XYLT1: variants seen among roughly 807,000 people sequenced by gnomAD.
XYLT1 encodes the protein beta-D-xylosyltransferase 1.
XYLT1 carries 36 observed loss-of-function variants against 91.3 expected under a neutral mutation model. That is an observed-to-expected ratio of 0.39 (90% CI 0.30 to 0.52). XYLT1 has a LOEUF of 0.52. XYLT1 is among the 20% of genes least tolerant of loss of function. The pLI is 0.68. For synonymous variants in XYLT1, 588 were observed against 532.0 expected (o/e 1.11, Z -1.45); for missense variants, 1,242 against 1,284.5 (o/e 0.97, Z 0.51).
chr16:17,338,693 T>C, intron 2 of XYLT1: 1 of 358,054 alleles, frequency 2.8e-6, no homozygotes, highest in Non-Finnish European at 5.5e-6. Flanking sequence ...CAAGCAATGC[T>C]CCCGTCTCAG....
intron 5 of XYLT1, among the ~76,000 whole-genome samples, chr16:17,182,091 TAGC>T (rs1055625406): frequency 5.3e-5 from 8 of 152,162 alleles, no homozygotes; most frequent in African/African-American, 1.9e-4. Context: ...CCCTGATGGG[TAGC>T]ATGGTCATGC....
intron 1 of XYLT1, among the ~76,000 whole-genome samples, chr16:17,440,902 CT>C (rs954336653): frequency 9.2e-5 from 14 of 152,078 alleles, no homozygotes; most frequent in Non-Finnish European, 5.9e-5. Flanking sequence ...AGTTCCAACA[CT>C]TACTAATGGC....
chr16:17,161,675 G>GTGCTCTCTCT (rs1555484015), intron 5 of XYLT1, among the ~76,000 whole-genome samples: 2 of 94,476 alleles, frequency 2.1e-5, no homozygotes, highest in African/African-American at 3.6e-5. Context: ...AGTTTCTCGC[G>GTGCTCTCTCT]CGCTCTCTCT....
intron 1 of XYLT1, among the ~76,000 whole-genome samples, chr16:17,410,296 C>T (rs927088408): frequency 2.0e-5 from 3 of 152,192 alleles, no homozygotes; most frequent in Non-Finnish European, 2.9e-5. Flanking sequence ...TTTGTTTTCA[C>T]GTTGCTGATA....
chr16:17,181,570 C>T (rs7193870), intron 5 of XYLT1, among the ~76,000 whole-genome samples: 85,175 of 151,886 alleles, frequency 0.56, 26,830 homozygotes, highest in African/African-American at 0.85. Context: ...AGGAAAGTAC[C>T]CTGGGGAGGG....
intron 2 of XYLT1, among the ~76,000 whole-genome samples, chr16:17,354,199 G>A (rs965398258): frequency 2.6e-5 from 4 of 152,058 alleles, no homozygotes; most frequent in Admixed American, 2.6e-4. Flanking sequence ...CTTCCTTGGT[G>A]CCTCCCCAGG....
intron 2 of XYLT1, among the ~76,000 whole-genome samples, chr16:17,325,902 T>G (rs187209577): frequency 6.6e-6 from 1 of 152,314 alleles, no homozygotes; most frequent in African/African-American, 2.4e-5. Context: ...AAGCATCATG[T>G]CTATGCAGGG....
At chr16:17,121,776 A>G (rs1251103577) in intron 10 of XYLT1, among the ~76,000 whole-genome samples, 1 of 151,852 alleles carries the variant, frequency 6.6e-6, no homozygotes, top group Non-Finnish European at 1.5e-5. Flanking sequence ...GAGTCCCCAA[A>G]CTCACTGTAT....
intron 6 of XYLT1, among the ~76,000 whole-genome samples, chr16:17,153,285 T>C (rs950204560): frequency 6.6e-6 from 1 of 152,198 alleles, no homozygotes; most frequent in African/African-American, 2.4e-5. Context: ...TCACGTAACT[T>C]ACCCAAGGTC....
At chr16:17,141,116 C>T in intron 7 of XYLT1, 37 bp downstream of exon 7, 1 of 1,602,024 alleles carries the variant, frequency 6.2e-7, no homozygotes, top group Non-Finnish European at 8.5e-7. Context: ...TAGAACAAGC[C>T]CCTATCTTTC....
chr16:17,235,322 T>C (rs1375421610), intron 3 of XYLT1, among the ~76,000 whole-genome samples: 1 of 151,398 alleles, frequency 6.6e-6, no homozygotes, highest in Non-Finnish European at 1.5e-5. Flanking sequence ...TTTTTTTTTT[T>C]TTTGGAGACC....
chr16:17,282,113 T>G (rs1454914284), intron 2 of XYLT1, among the ~76,000 whole-genome samples: 5 of 152,226 alleles, frequency 3.3e-5, no homozygotes, highest in Non-Finnish European at 7.3e-5. Flanking sequence ...ACTGACTGTA[T>G]GCTAGGAACT....
Position 17,422,024 on chromosome 16 carries a change from C to G in XYLT1, c.363+48410G>C, listed in dbSNP as rs2036256969. Among the ~76,000 whole-genome samples the G allele has an allele frequency of 2.6e-5, 4 of 151,986 alleles. No individual in the cohort carries two copies. In the South Asian group the frequency reaches 8.3e-4, roughly 32 times the overall value. ...TTGAGACGGAGTCTTGCTTTGTCAC[C>G]CAGGCTGGAGTGCAATGGCATGATC... On this transcript the variant is annotated intron_variant, in intron 1 of 11. Transcript: ENST00000261381.
At chr16:17,191,258 T>C (rs943396592) in intron 5 of XYLT1, among the ~76,000 whole-genome samples, 1 of 152,228 alleles carries the variant, frequency 6.6e-6, no homozygotes, top group African/African-American at 2.4e-5. Context: ...ATACATTTGC[T>C]GTGGTTGCTG....
chr16:17,379,496 C>G (rs2035644038), intron 1 of XYLT1, among the ~76,000 whole-genome samples: 1 of 152,062 alleles, frequency 6.6e-6, no homozygotes, highest in Non-Finnish European at 1.5e-5. Context: ...GGAACCTGGC[C>G]CCCGGAGGAT....
At chr16:17,239,218 A>G (rs1219528794) in intron 3 of XYLT1, among the ~76,000 whole-genome samples, 1 of 136,412 alleles carries the variant, frequency 7.3e-6, no homozygotes, top group Admixed American at 7.4e-5. Flanking sequence ...CCATCCATCC[A>G]TTCATCCATC....
intron 6 of XYLT1, among the ~76,000 whole-genome samples, chr16:17,154,401 C>T (rs2141535862): frequency 6.6e-6 from 1 of 152,298 alleles, no homozygotes; most frequent in South Asian, 2.1e-4. Flanking sequence ...CTCAGAAAAA[C>T]TCCGATTTTC....
intron 5 of XYLT1, among the ~76,000 whole-genome samples, chr16:17,169,212 C>T (rs560822550): frequency 6.6e-4 from 101 of 152,256 alleles, no homozygotes; most frequent in African/African-American, 2.1e-3. Context: ...AATTGAAGCA[C>T]GAGCATTCAG....
At chr16:17,290,728 A>G (rs1001716658) in intron 2 of XYLT1, among the ~76,000 whole-genome samples, 1 of 152,244 alleles carries the variant, frequency 6.6e-6, no homozygotes, top group African/African-American at 2.4e-5. Flanking sequence ...TCCAAGGCCC[A>G]CAGCTAGTGA....
Sources: allele counts gnomAD v4.1 joint callset (sites outside exome capture counted in the v4.1 genomes callset), GRCh38; gene constraint gnomAD v4.1.1; transcripts MANE v1.5; gene names NCBI Gene and HGNC (gene_info 2026-07-23, HGNC 2026-07-21).